The following GRM7 variants were observed in gnomAD, a reference collection of about 807,000 sequenced individuals.
GRM7 encodes glutamate metabotropic receptor 7.
In GRM7, 35 loss-of-function variants were observed where a neutral mutation model predicts 84.5. The observed-to-expected ratio is 0.41, with a 90% CI of 0.32 to 0.55. GRM7 has a LOEUF of 0.55. Ranked by LOEUF, GRM7 falls within the 20% of genes least tolerant of loss-of-function variation. The pLI, the probability that GRM7 is intolerant of heterozygous loss-of-function variation, is 0.19. For missense variants in GRM7, 1,003 were observed against 1,194.6 expected (o/e 0.84, Z 2.36); for synonymous variants, 487 against 455.1 (o/e 1.07, Z -0.89).
At chr3:7,397,401 GA>G (rs1695254571) in intron 4 of GRM7, among the ~76,000 whole-genome samples, 1 of 152,272 alleles carries the variant, frequency 6.6e-6, no homozygotes, top group African/African-American at 2.4e-5. Context: ...ACTAGAGGGT[GA>G]AAAGGGTAGC....
At chr3:7,015,098 C>T (rs374291958) in intron 1 of GRM7, among the ~76,000 whole-genome samples, 166 of 152,156 alleles carry the variant, frequency 1.1e-3, no homozygotes, top group African/African-American at 3.6e-3. Flanking sequence ...AGGGTGTGGG[C>T]GGGGACAAAT....
intron 1 of GRM7, among the ~76,000 whole-genome samples, chr3:7,119,098 T>C (rs1693134881): frequency 6.6e-6 from 1 of 152,190 alleles, no homozygotes; most frequent in Non-Finnish European, 1.5e-5. Flanking sequence ...TTCTGTCCTT[T>C]ATACATTTTA....
intron 8 of GRM7, among the ~76,000 whole-genome samples, chr3:7,621,426 A>T (rs1437318972): frequency 2.0e-5 from 3 of 152,138 alleles, no homozygotes; most frequent in African/African-American, 4.8e-5. Context: ...TTAATTAAAC[A>T]CAAACGTGGA....
chr3:7,571,678 C>A (rs971069905), intron 7 of GRM7, among the ~76,000 whole-genome samples: 1 of 152,190 alleles, frequency 6.6e-6, no homozygotes, highest in Non-Finnish European at 1.5e-5. Context: ...CCAACCTCTG[C>A]CTATTACCCA....
intron 7 of GRM7, among the ~76,000 whole-genome samples, chr3:7,550,573 CTCTCTG>C (rs1231521873): frequency 0.01 from 636 of 60,604 alleles, 2 homozygotes; most frequent in African/African-American, 0.015. Flanking sequence ...CTCTCTCTCT[CTCTCTG>C]TGTGTGTGTG....
At chr3:7,464,080 A>G (rs988685960) in intron 7 of GRM7, among the ~76,000 whole-genome samples, 12 of 152,200 alleles carry the variant, frequency 7.9e-5, no homozygotes, top group Admixed American at 3.3e-4. Context: ...GTAACAGCAC[A>G]TATTACCGGG....
intron 2 of GRM7, among the ~76,000 whole-genome samples, chr3:7,242,788 A>C (rs1697608742): frequency 6.6e-6 from 1 of 151,968 alleles, no homozygotes. Flanking sequence ...GCTGTGTGTT[A>C]AGTGTCTCTC....
intron 2 of GRM7, among the ~76,000 whole-genome samples, chr3:7,164,106 C>A (rs1338306600): frequency 6.6e-6 from 1 of 152,150 alleles, no homozygotes; most frequent in Non-Finnish European, 1.5e-5. Flanking sequence ...CACCTGTAAT[C>A]CCAGCACTTT....
chr3:7,423,312 T>G (rs1429610581), intron 5 of GRM7, among the ~76,000 whole-genome samples: 1 of 152,222 alleles, frequency 6.6e-6, no homozygotes, highest in African/African-American at 2.4e-5. Context: ...ATTTGAGCTG[T>G]GTGTCATTTC....
At chr3:7,132,588 G>T (rs896683815) in intron 1 of GRM7, among the ~76,000 whole-genome samples, 14 of 151,968 alleles carry the variant, frequency 9.2e-5, no homozygotes, top group Admixed American at 3.3e-4. Context: ...CATATCAAAG[G>T]TTGAAAAAAG....
At chr3:7,461,935 A>G (rs1034053853) in intron 7 of GRM7, among the ~76,000 whole-genome samples, 6 of 152,122 alleles carry the variant, frequency 3.9e-5, no homozygotes, top group African/African-American at 1.4e-4. Context: ...CATTATATTC[A>G]TGACCTGTGC....
intron 5 of GRM7, among the ~76,000 whole-genome samples, chr3:7,443,252 C>T (rs1697366875): frequency 6.6e-6 from 1 of 152,048 alleles, no homozygotes; most frequent in African/African-American, 2.4e-5. Flanking sequence ...TTTTTCCTCA[C>T]CATTGGCCAA....
chr3:7,613,306 G>A (rs1457017188), intron 8 of GRM7, among the ~76,000 whole-genome samples: 2 of 152,104 alleles, frequency 1.3e-5, no homozygotes, highest in African/African-American at 2.4e-5. Context: ...TGCTAGATAG[G>A]ATTTAGTCTA....
At chr3:7,390,040 A>G (rs1217812269) in intron 4 of GRM7, among the ~76,000 whole-genome samples, 1 of 151,846 alleles carries the variant, frequency 6.6e-6, no homozygotes. Flanking sequence ...CTCTTGTTGG[A>G]TGGGTCTGGT....
chr3:7,515,328 G>T (rs534837504), intron 7 of GRM7, among the ~76,000 whole-genome samples: 3 of 152,130 alleles, frequency 2.0e-5, no homozygotes, highest in African/African-American at 7.2e-5. Context: ...GGAGACAGGT[G>T]CCCCGTGCAT....
At chr3:7,482,448 A>G (rs575138202) in intron 7 of GRM7, among the ~76,000 whole-genome samples, 42 of 152,338 alleles carry the variant, frequency 2.8e-4, no homozygotes, top group Middle Eastern at 6.8e-3. Context: ...AGGTACCAGT[A>G]ATTTAACTCT....
At chr3:7,636,487 C>T (rs540139040) in intron 8 of GRM7, 39 of 310,778 alleles carry the variant, frequency 1.3e-4, no homozygotes, top group South Asian at 1.1e-3. Flanking sequence ...AGAAAAATTC[C>T]AAGGGTCAGG....
intron 1 of GRM7, among the ~76,000 whole-genome samples, chr3:7,097,401 T>C (rs1041769294): frequency 7.2e-5 from 11 of 152,250 alleles, no homozygotes; most frequent in Non-Finnish European, 1.6e-4. Context: ...TATTAAAAAG[T>C]AGGTGTATTG....
chr3:7,003,444 C>T (rs62236576), intron 1 of GRM7, among the ~76,000 whole-genome samples: 23,185 of 151,580 alleles, frequency 0.15, 2,142 homozygotes, highest in East Asian at 0.24. Context: ...CTATAAGGAG[C>T]GCATGCAATT....
Sources: allele counts gnomAD v4.1 joint callset (sites outside exome capture counted in the v4.1 genomes callset), GRCh38; gene constraint gnomAD v4.1.1; transcripts MANE v1.5; gene names NCBI Gene and HGNC (gene_info 2026-07-23, HGNC 2026-07-21).